Variants in PRUNE2 observed in about 807,000 individuals in gnomAD.
PRUNE2 encodes protein prune homolog 2.
In PRUNE2, 164 loss-of-function variants were observed where a neutral mutation model predicts 252.0. That is an observed-to-expected ratio of 0.65 (90% CI 0.57 to 0.74). PRUNE2 has a LOEUF of 0.74. PRUNE2 is among the 30% of genes least tolerant of loss of function. The pLI is 0.00. For synonymous variants in PRUNE2, 1,292 were observed against 1,350.2 expected, an observed-to-expected ratio of 0.96 and a Z score of 0.94; for missense variants, 3,495 against 3,711.0, an observed-to-expected ratio of 0.94 and a Z score of 1.51.
At chr9:76,730,576 T>TA (rs1395843249) in intron 6 of PRUNE2, among the ~76,000 whole-genome samples, 1 of 151,818 alleles carries the variant, frequency 6.6e-6, no homozygotes, top group African/African-American at 2.4e-5. Flanking sequence ...CCAGAAGCCA[T>TA]AAAAAAAGGA....
rs185196298 is a variant in PRUNE2 at position 76,653,730 on chromosome 9, G to A, written c.8357-1047C>T. Among the ~76,000 whole-genome samples, 592 of 150,278 alleles carry A rather than the reference G, an allele frequency of 3.9e-3. 4 individuals are homozygous for A. The highest frequency in any genetic ancestry group is 6.1e-3 in the Non-Finnish European group (412 of 67,990). On this transcript the variant is annotated intron_variant, in intron 10 of 18. Coordinates refer to ENST00000376718, the MANE Select transcript of PRUNE2 (RefSeq NM_015225.3). ...GATCTTCAGTGCCCTTTACCTGGCCGAAGTATCCTCCCAGGTAACATTCTT... is the reference window on the plus strand; with the variant it reads ...GATCTTCAGTGCCCTTTACCTGGCCAAAGTATCCTCCCAGGTAACATTCTT...
chr9:76,672,978 A>C (rs1360486848), intron 9 of PRUNE2, among the ~76,000 whole-genome samples: 6 of 148,142 alleles, frequency 4.1e-5, no homozygotes, highest in Non-Finnish European at 9.0e-5. Context: ...ACACCCTAAC[A>C]TCACAATTAA....
rs1327261095 is a variant in PRUNE2 at position 76,711,137 on chromosome 9, G to C, written c.1137C>G (p.Ser379=). Residue 379 remains serine, a synonymous_variant, in exon 8 of 19, where the codon TCC becomes TCG. Coordinates refer to ENST00000376718, the MANE Select transcript of PRUNE2 (RefSeq NM_015225.3). ...TEAVAGSAPL[S]QGSSGIMELY... is the part of the protein sequence containing the mutation. Reference sequence around the variant, plus strand: ...ATTCCATAATCCCAGAAGACCCCTGGGAGAGGGGGGCACTGCCTGCCACGG... The same window carrying C: ...ATTCCATAATCCCAGAAGACCCCTGCGAGAGGGGGGCACTGCCTGCCACGG... The C allele has an allele frequency of 6.2e-7, 1 of 1,613,938 alleles. No individual in the cohort carries two copies. The highest frequency in any genetic ancestry group is 2.2e-5 in the East Asian group (1 of 44,874).
intron 9 of PRUNE2, among the ~76,000 whole-genome samples, chr9:76,686,419 G>C (rs1206128616): frequency 6.6e-6 from 1 of 152,150 alleles, no homozygotes; most frequent in African/African-American, 2.4e-5. Flanking sequence ...TCCAATCTCT[G>C]TCTTTATTGC....
chr9:76,823,548 T>A, intron 6 of PRUNE2, 84 bp downstream of exon 6: 1 of 820,132 alleles, frequency 1.2e-6, no homozygotes, highest in South Asian at 1.4e-5. Context: ...CATGGACTTA[T>A]CCAATGGAGA....
intron 15 of PRUNE2, among the ~76,000 whole-genome samples, chr9:76,635,812 T>A (rs1427371731): frequency 6.6e-6 from 1 of 152,208 alleles, no homozygotes; most frequent in African/African-American, 2.4e-5. Flanking sequence ...AGAAAGTAAA[T>A]ACTATCCCTT....
In PRUNE2 at chr9:76,712,339, C is replaced by T. The variant is rs564116767; in HGVS notation, c.916-981G>A. 7.2e-4 allele frequency among the ~76,000 whole-genome samples: 110 copies of T among 152,276 alleles called. 1 individual carries two copies. In the South Asian group the frequency reaches 0.015, roughly 20 times the overall value. On this transcript the variant is annotated intron_variant, in intron 7 of 18. Transcript: ENST00000376718. ...AACACACAGCTAACAAGTGCTGGAG[C>T]CTGAGTTCTGTACCCAGGCAACCTA...
intron 9 of PRUNE2, among the ~76,000 whole-genome samples, chr9:76,663,394 G>C (rs934256421): frequency 5.3e-5 from 8 of 152,192 alleles, no homozygotes; most frequent in Non-Finnish European, 1.2e-4. Context: ...GATAAGCGCC[G>C]AGCACTCGCC....
chr9:76,694,196 G>A (rs555010217), intron 9 of PRUNE2, among the ~76,000 whole-genome samples: 10 of 151,572 alleles, frequency 6.6e-5, no homozygotes, highest in Admixed American at 4.6e-4. Flanking sequence ...TTTTTGAGAC[G>A]GAGCCTAGCT....
chr9:76,810,788 G>T (rs990857674), intron 6 of PRUNE2, among the ~76,000 whole-genome samples: 2 of 152,160 alleles, frequency 1.3e-5, no homozygotes, highest in East Asian at 3.8e-4. Flanking sequence ...AACCAATTCA[G>T]TATTGACCAT....
Position 76,710,727 on chromosome 9 carries a change from G to C in PRUNE2, c.1547C>G (p.Ser516Cys). 1 of 1,612,824 alleles carries C rather than the reference G, an allele frequency of 6.2e-7. No individual in the cohort carries two copies. The highest frequency in any genetic ancestry group is 1.3e-5 in the African/African-American group (1 of 75,050). The change falls in exon 8 of 19, where the codon TCC becomes TGC. Residue 516 changes from serine (S) to cysteine (C), a missense_variant. Physicochemically the swap from Ser to Cys is moderately radical, Grantham distance 112. Transcript: ENST00000376718. ...SQQSSHSADYSPADDFFPNSD... is the reference protein window; with the variant it reads ...SQQSSHSADYCPADDFFPNSD... ...GTTGGGGAAGAAGTCATCTGCTGGG[G>C]AGTAGTCTGCAGAATGAGAAGATTG...
chr9:76,637,322 T>C (rs1335185826), intron 14 of PRUNE2, 96 bp downstream of exon 14: 6 of 1,189,326 alleles, frequency 5.0e-6, no homozygotes, highest in Admixed American at 2.2e-5. Context: ...TGGTTTCTTC[T>C]TGTGTATAAT....
Position 76,850,630 on chromosome 9 carries a change from C to T in PRUNE2, c.177G>A (p.Leu59=). Residue 59 remains leucine (L), a synonymous_variant, in exon 3 of 19, where the codon CTG becomes CTA. Coordinates refer to ENST00000376718, the MANE Select transcript of PRUNE2 (RefSeq NM_015225.3). ...AGTTGAATTCAGTTCTTGGTATGTT[C>T]AGCACTGGTAAACACAGAACCCCTG... ...SPPGVLCLPV[L]NIPRTEFNYF... is the part of the protein sequence containing the mutation. 6.2e-7 allele frequency: 1 copy of T among 1,614,032 alleles called. No homozygotes were observed. Among genetic ancestry groups the T allele is most frequent in the Non-Finnish European group, 8.5e-7 (1 of 1,179,954 alleles).
chr9:76,823,282 A>G (rs2058139760), intron 6 of PRUNE2: 1 of 172,086 alleles, frequency 5.8e-6, no homozygotes, highest in African/African-American at 2.4e-5. Flanking sequence ...AAGTTCTATG[A>G]ACAATACAGG....
At chr9:76,692,331 G>A in intron 9 of PRUNE2, 1 of 535,166 alleles carries the variant, frequency 1.9e-6, no homozygotes, top group Non-Finnish European at 3.3e-6. Flanking sequence ...CACCCACGTT[G>A]TGGAGTCAAA....
intron 4 of PRUNE2, among the ~76,000 whole-genome samples, chr9:76,833,696 C>T (rs1307771480): frequency 6.6e-6 from 1 of 151,064 alleles, no homozygotes; most frequent in Non-Finnish European, 1.5e-5. Flanking sequence ...ACCCGGGAGG[C>T]GGAGCTTGCA....
chr9:76,866,970 A>T (rs909520471), intron 1 of PRUNE2, among the ~76,000 whole-genome samples: 1 of 152,158 alleles, frequency 6.6e-6, no homozygotes, highest in Non-Finnish European at 1.5e-5. Flanking sequence ...TTCGGTTTCA[A>T]TCTGTGGAGG....
At chr9:76,896,675 G>T (rs12553283) in intron 1 of PRUNE2, among the ~76,000 whole-genome samples, 15 of 151,960 alleles carry the variant, frequency 9.9e-5, no homozygotes, top group African/African-American at 3.4e-4. Context: ...TTTCTGGGGC[G>T]CTGCTAAACC....
At chr9:76,803,490 T>C (rs2056708695) in intron 6 of PRUNE2, among the ~76,000 whole-genome samples, 1 of 152,208 alleles carries the variant, frequency 6.6e-6, no homozygotes, top group Admixed American at 6.5e-5. Context: ...CCCATGATTT[T>C]TTCTAGAAAC....
Sources: allele counts gnomAD v4.1 joint callset (sites outside exome capture counted in the v4.1 genomes callset), GRCh38; gene constraint gnomAD v4.1.1; transcripts MANE v1.5; gene names NCBI Gene and HGNC (gene_info 2026-07-23, HGNC 2026-07-21).